The following ADAMTSL1 variants were observed in gnomAD, a reference collection of about 807,000 sequenced individuals.
ADAMTSL1 encodes ADAMTS like 1, also known as ADAMTS-like protein 1.
Under a neutral mutation model 201.8 loss-of-function variants are expected in ADAMTSL1, and 126 were observed. That is an observed-to-expected ratio of 0.62 (90% CI 0.54 to 0.72). The LOEUF is 0.72. Among genes scored for constraint, ADAMTSL1 ranks in the 30% least tolerant of loss-of-function variants. ADAMTSL1 has a pLI of 0.00. For synonymous variants in ADAMTSL1, 1,121 were observed against 903.4 expected (o/e 1.24, Z -4.32); for missense variants, 2,679 against 2,277.8 (o/e 1.18, Z -3.59).
chr9:18,636,740 T>C (rs1392373758), intron 6 of ADAMTSL1, among the ~76,000 whole-genome samples: 1 of 152,134 alleles, frequency 6.6e-6, no homozygotes, highest in Non-Finnish European at 1.5e-5. Flanking sequence ...AAGAAGAAAA[T>C]TATAGGCTAT....
At chr9:18,365,230 C>T (rs1313252594) in intron 2 of ADAMTSL1, among the ~76,000 whole-genome samples, 1 of 152,032 alleles carries the variant, frequency 6.6e-6, no homozygotes, top group Admixed American at 6.5e-5. Context: ...ACCATTGAAG[C>T]CCATACAAAT....
At chr9:18,197,576 T>G (rs937917104) in intron 2 of ADAMTSL1, among the ~76,000 whole-genome samples, 1 of 146,184 alleles carries the variant, frequency 6.8e-6, no homozygotes, top group Non-Finnish European at 1.5e-5. Context: ...AAGGAGATTT[T>G]GGGCTGAGAC....
chr9:17,914,355 G>T (rs1189983161), intron 1 of ADAMTSL1, among the ~76,000 whole-genome samples: 1 of 152,166 alleles, frequency 6.6e-6, no homozygotes, highest in Non-Finnish European at 1.5e-5. Context: ...TGGGATGCAA[G>T]GCTGGTTCAA....
intron 3 of ADAMTSL1, among the ~76,000 whole-genome samples, chr9:18,536,041 G>C (rs1403407421): frequency 6.6e-6 from 1 of 152,056 alleles, no homozygotes; most frequent in Non-Finnish European, 1.5e-5. Flanking sequence ...AGTTGATGCT[G>C]AATTTTTTTA....
intron 7 of ADAMTSL1, among the ~76,000 whole-genome samples, chr9:18,640,199 G>C (rs375664250): frequency 1.3e-5 from 2 of 152,198 alleles, no homozygotes; most frequent in Admixed American, 6.5e-5. Context: ...AGGGAGAAAG[G>C]TTCCAGAATA....
intron 1 of ADAMTSL1, among the ~76,000 whole-genome samples, chr9:18,008,752 C>G (rs994135427): frequency 6.6e-6 from 1 of 151,938 alleles, no homozygotes; most frequent in Middle Eastern, 3.2e-3. Context: ...ATGGCCATCT[C>G]TAGTCACATG....
At chr9:17,981,866 C>G (rs1183917197) in intron 1 of ADAMTSL1, among the ~76,000 whole-genome samples, 1 of 152,134 alleles carries the variant, frequency 6.6e-6, no homozygotes, top group Non-Finnish European at 1.5e-5. Context: ...TTGCCCTTGT[C>G]ACTAGGATAT....
intron 1 of ADAMTSL1, among the ~76,000 whole-genome samples, chr9:18,006,946 C>T (rs1362626256): frequency 6.6e-6 from 1 of 151,986 alleles, no homozygotes; most frequent in Non-Finnish European, 1.5e-5. Flanking sequence ...TGGAACAGGG[C>T]ATCATCTTAT....
intron 2 of ADAMTSL1, among the ~76,000 whole-genome samples, chr9:18,353,693 C>T (rs1049973089): frequency 6.6e-6 from 1 of 152,098 alleles, no homozygotes; most frequent in Non-Finnish European, 1.5e-5. Context: ...TATTGCTCCA[C>T]CAGGGCACAA....
chr9:18,830,003 G>T, intron 23 of ADAMTSL1, 26 bp downstream of exon 23: 1 of 1,586,642 alleles, frequency 6.3e-7, no homozygotes, highest in South Asian at 1.1e-5. Context: ...GGAAACATTG[G>T]GCAGAAAGCC....
intron 1 of ADAMTSL1, among the ~76,000 whole-genome samples, chr9:18,099,803 T>C (rs1824438652): frequency 6.6e-6 from 1 of 151,738 alleles, no homozygotes; most frequent in African/African-American, 2.4e-5. Flanking sequence ...ATTTTTTGCA[T>C]TTTTAGTAGA....
At chr9:18,894,572 C>T (rs748649662) in intron 26 of ADAMTSL1, among the ~76,000 whole-genome samples, 2 of 151,462 alleles carry the variant, frequency 1.3e-5, no homozygotes, top group Non-Finnish European at 2.9e-5. Context: ...GGAAGGAAGT[C>T]AAAATTTGAC....
chr9:18,476,174 A>G (rs550031422), intron 1 of ADAMTSL1, among the ~76,000 whole-genome samples: 82 of 152,290 alleles, frequency 5.4e-4, no homozygotes, highest in African/African-American at 1.9e-3. Context: ...TCCCTTTGCC[A>G]AGCAATAACA....
At chr9:18,736,633 C>T (rs1588015549) in intron 15 of ADAMTSL1, among the ~76,000 whole-genome samples, 2 of 152,214 alleles carry the variant, frequency 1.3e-5, no homozygotes, top group East Asian at 3.9e-4. Context: ...AAGAGGTAGA[C>T]TACTTTTTAC....
At chr9:18,633,778 A>T (rs1337289501) in intron 5 of ADAMTSL1, among the ~76,000 whole-genome samples, 1 of 151,956 alleles carries the variant, frequency 6.6e-6, no homozygotes, top group African/African-American at 2.4e-5. Flanking sequence ...TTTTGTCATG[A>T]GTGGAATATT....
intron 2 of ADAMTSL1, among the ~76,000 whole-genome samples, chr9:18,359,836 C>T (rs980903890): frequency 1.8e-5 from 2 of 113,918 alleles, no homozygotes; most frequent in Admixed American, 1.7e-4. Context: ...CGCCCCCCCG[C>T]CCACACAAAA....
chr9:18,156,396 T>C (rs1827154017), intron 1 of ADAMTSL1, among the ~76,000 whole-genome samples: 1 of 151,992 alleles, frequency 6.6e-6, no homozygotes, highest in South Asian at 2.1e-4. Flanking sequence ...GACTTCCAAC[T>C]CCTAAGCAAC....
intron 20 of ADAMTSL1, among the ~76,000 whole-genome samples, chr9:18,811,895 A>T (rs1823529556): frequency 6.6e-6 from 1 of 152,200 alleles, no homozygotes; most frequent in Non-Finnish European, 1.5e-5. Flanking sequence ...ATGTAACAAA[A>T]TATAACAGGA....
intron 2 of ADAMTSL1, among the ~76,000 whole-genome samples, chr9:18,264,631 T>G (rs367699435): frequency 3.3e-5 from 5 of 152,302 alleles, no homozygotes; most frequent in African/African-American, 1.2e-4. Context: ...AGTAGAAAGT[T>G]TAACTTCTGG....
Sources: gnomAD v4.1 joint callset for allele counts (sites outside exome capture counted in the v4.1 genomes callset) on GRCh38, gnomAD v4.1.1 for gene constraint, MANE v1.5 for transcripts, NCBI Gene and HGNC (gene_info 2026-07-23, HGNC 2026-07-21) for gene names.